The following PIK3R1 variants were observed in gnomAD, a reference collection of about 807,000 sequenced individuals.
PIK3R1 encodes phosphoinositide-3-kinase regulatory subunit 1, also known as phosphatidylinositol 3-kinase regulatory subunit alpha.
In PIK3R1, 29 loss-of-function variants were observed where a neutral mutation model predicts 98.0. The observed-to-expected ratio is 0.30, with a 90% confidence interval of 0.22 to 0.40. PIK3R1 has a LOEUF of 0.40. Among genes scored for constraint, PIK3R1 ranks in the 10% least tolerant of loss-of-function variants. The probability of loss-of-function intolerance (pLI) is 1.00; values close to 1 mark genes in which losing one functional copy is unlikely to be tolerated. For missense variants in PIK3R1, 596 were observed against 872.7 expected (o/e 0.68, Z 3.99); for synonymous variants, 282 against 311.8 (o/e 0.90, Z 1.01).
intron 4 of PIK3R1, among the ~76,000 whole-genome samples, chr5:68,275,300 T>C (rs982876821): frequency 6.6e-6 from 1 of 152,178 alleles, no homozygotes; most frequent in Non-Finnish European, 1.5e-5. Context: ...TGTTTTTCGG[T>C]GTTTCTGACA....
chr5:68,259,669 ACTCT>A (rs1215677243), intron 2 of PIK3R1, among the ~76,000 whole-genome samples: 2 of 152,050 alleles, frequency 1.3e-5, no homozygotes, highest in African/African-American at 4.8e-5. Context: ...CTATTCTTGG[ACTCT>A]CTACTTTCCA....
At chr5:68,279,832 G>C in intron 5 of PIK3R1, 99 bp downstream of exon 5, 2 of 1,199,432 alleles carry the variant, frequency 1.7e-6, no homozygotes, top group South Asian at 1.4e-5. Context: ...TTAGAAAATA[G>C]TAGTAATAAC....
At chr5:68,293,930 A>G in intron 11 of PIK3R1, 96 bp downstream of exon 11, 1 of 953,530 alleles carries the variant, frequency 1.0e-6, no homozygotes, top group Non-Finnish European at 1.6e-6. Flanking sequence ...GTTTTTACGA[A>G]TGAGGTGGGG....
chr5:68,273,503 C>T (rs1746446347), intron 3 of PIK3R1, 21 bp downstream of exon 3: 9 of 1,574,006 alleles, frequency 5.7e-6, no homozygotes, highest in African/African-American at 1.3e-5. Context: ...TGCTAGAGGG[C>T]ATCAGTTCCT....
chr5:68,237,919 C>G (rs1744726645), intron 2 of PIK3R1, among the ~76,000 whole-genome samples: 2 of 152,278 alleles, frequency 1.3e-5, no homozygotes. Flanking sequence ...TGCTCTTCCC[C>G]CCTCTTCCTT....
intron 4 of PIK3R1, among the ~76,000 whole-genome samples, 195 bp downstream of exon 4, chr5:68,274,208 T>A (rs1355798846): frequency 2.0e-5 from 3 of 152,178 alleles, no homozygotes; most frequent in Non-Finnish European, 4.4e-5. Context: ...TGAGTTGGGC[T>A]GCAAGTGTGT....
At chr5:68,282,943 C>G (rs1369696147) in intron 7 of PIK3R1, among the ~76,000 whole-genome samples, 1 of 152,230 alleles carries the variant, frequency 6.6e-6, no homozygotes, top group Non-Finnish European at 1.5e-5. Flanking sequence ...TAGTGTCTCT[C>G]ATGTGTGCAT....
At chr5:68,280,807 G>T in intron 6 of PIK3R1, 78 bp downstream of exon 6, 2 of 1,328,746 alleles carry the variant, frequency 1.5e-6, no homozygotes, top group South Asian at 1.2e-5. Flanking sequence ...AATGTATTCT[G>T]AATATACTAC....
intron 4 of PIK3R1, 79 bp downstream of exon 4, chr5:68,274,092 A>G: frequency 9.6e-7 from 1 of 1,044,176 alleles, no homozygotes; most frequent in Non-Finnish European, 1.5e-6. Flanking sequence ...CACACACAAA[A>G]TTGAATTTAA....
intron 2 of PIK3R1, among the ~76,000 whole-genome samples, chr5:68,253,826 T>C (rs1289512441): frequency 6.6e-6 from 1 of 152,168 alleles, no homozygotes; most frequent in Non-Finnish European, 1.5e-5. Flanking sequence ...GCTTCATACA[T>C]CCTTTGGTGT....
chr5:68,225,764 CATGCGTG>C (rs1744248743), intron 1 of PIK3R1, among the ~76,000 whole-genome samples: 1 of 152,216 alleles, frequency 6.6e-6, no homozygotes, highest in Admixed American at 6.5e-5. Context: ...TCAGCATGGG[CATGCGTG>C]ATGTCCTACA....
chr5:68,283,887 C>T (rs1746961257), intron 7 of PIK3R1, among the ~76,000 whole-genome samples: 1 of 152,184 alleles, frequency 6.6e-6, no homozygotes, highest in Admixed American at 6.5e-5. Context: ...ATCAAAAACT[C>T]CTCTGAAGTT....
intron 6 of PIK3R1, 70 bp downstream of exon 6, chr5:68,280,799 T>C: frequency 7.2e-7 from 1 of 1,396,820 alleles, no homozygotes; most frequent in South Asian, 1.2e-5. Flanking sequence ...GTCATGAAAA[T>C]GTATTCTGAA....
chr5:68,216,871 A>G (rs2111915958), intron 1 of PIK3R1, among the ~76,000 whole-genome samples: 1 of 143,844 alleles, frequency 7.0e-6, no homozygotes, highest in South Asian at 2.2e-4. Flanking sequence ...TTTGATAACC[A>G]GAATTGGAGC....
chr5:68,294,024 A>T (rs1220398030), intron 11 of PIK3R1, among the ~76,000 whole-genome samples, 190 bp downstream of exon 11: 1 of 152,242 alleles, frequency 6.6e-6, no homozygotes, highest in Admixed American at 6.5e-5. Context: ...TAAGTATCAG[A>T]ATAATAAATT....
chr5:68,221,252 A>G (rs1744083075), intron 1 of PIK3R1, among the ~76,000 whole-genome samples: 1 of 152,238 alleles, frequency 6.6e-6, no homozygotes, highest in Non-Finnish European at 1.5e-5. Context: ...GGACTAAGAC[A>G]CTAGGATATT....
At chr5:68,262,580 T>C (rs182748385) in intron 2 of PIK3R1, among the ~76,000 whole-genome samples, 327 of 138,888 alleles carry the variant, frequency 2.4e-3, no homozygotes, top group Middle Eastern at 3.8e-3. Context: ...TACCTACATG[T>C]ATACACATGT....
rs994434478 is a variant in PIK3R1, at chr5:68,273,467, G to C, written c.412G>C (p.Ala138Pro). The change falls in exon 3 of 16, where the codon GCC becomes CCC. Residue 138 changes from alanine (A) to proline (P), a missense_variant. By Grantham distance (27) the Ala-to-Pro change is conservative (BLOSUM62 -1). Coordinates refer to ENST00000521381, the MANE Select transcript of PIK3R1 (RefSeq NM_181523.3). ...GCCTCTTCTTATCAAGCTCGTGGAA[G>C]CCATTGAAAAGAAAGGTAACCAGAC... ...APPLLIKLVE[A>P]IEKKGLECST... 6.2e-7 allele frequency: 1 copy of C among 1,613,970 alleles called. No individual in the cohort carries two copies. The highest frequency in any genetic ancestry group is 8.5e-7 in the Non-Finnish European group (1 of 1,179,894).
At chr5:68,262,864 TATACATGTAG>T (rs1337899755) in intron 2 of PIK3R1, among the ~76,000 whole-genome samples, 2 of 109,364 alleles carry the variant, frequency 1.8e-5, no homozygotes, top group African/African-American at 3.7e-5. Context: ...TAGATACATG[TATACATGTAG>T]ATACATGTAG....
Sources: allele counts gnomAD v4.1 joint callset (sites outside exome capture counted in the v4.1 genomes callset), GRCh38; gene constraint gnomAD v4.1.1; transcripts MANE v1.5; gene names NCBI Gene and HGNC (gene_info 2026-07-23, HGNC 2026-07-21).